FAM107A: variants seen among roughly 807,000 people sequenced by gnomAD.
The protein encoded by FAM107A is actin-associated protein FAM107A.
In FAM107A, 19 loss-of-function variants were observed where a neutral mutation model predicts 13.7. That is an observed-to-expected ratio of 1.38 (90% CI 0.97 to 2.03). The LOEUF (loss-of-function observed/expected upper bound fraction) is 2.03. Among genes scored for constraint, FAM107A ranks in the 30% most tolerant of loss-of-function variants. The probability of loss-of-function intolerance (pLI) is 0.00; values close to 1 mark genes in which losing one functional copy is unlikely to be tolerated. For synonymous variants in FAM107A, 82 were observed against 74.5 expected (o/e 1.10, Z -0.52); for missense variants, 203 against 184.4 (o/e 1.10, Z -0.58).
upstream of FAM107A, among the ~76,000 whole-genome samples, chr3:58,589,539 G>A (rs2065638826): frequency 6.6e-6 from 1 of 151,898 alleles, no homozygotes; most frequent in African/African-American, 2.4e-5. Context: ...TTAGATTTAG[G>A]GAAAAGTTAA....
intron 3 of FAM107A, chr3:58,566,976 T>C (rs2063628133): frequency 3.3e-6 from 2 of 612,254 alleles, no homozygotes; most frequent in Non-Finnish European, 5.8e-6. Flanking sequence ...GAAATCAGAA[T>C]CAGCATGCAG....
At position 58,567,379 on chromosome 3, in the gene FAM107A, G is replaced by T; in HGVS notation, c.171-15C>A. ...CACCAAGGCCCCTGGGGTGGGAAGT[G>T]GGGAGCTGTCAGGAGACCATCACCT... is the stretch of plus-strand genomic sequence containing the variant. On this transcript the variant is annotated splice_polypyrimidine_tract_variant and intron_variant, in intron 2 of 3. Coordinates refer to ENST00000360997, the MANE Select transcript of FAM107A (RefSeq NM_001076778.3). 6.2e-7 allele frequency: 1 copy of T among 1,604,850 alleles called. No individual in the cohort carries two copies. The highest frequency in any genetic ancestry group is 8.5e-7 in the Non-Finnish European group (1 of 1,176,194).
At chr3:58,596,339 G>C (rs1306038388) in intron 1 of FAM107A, among the ~76,000 whole-genome samples, 1 of 152,124 alleles carries the variant, frequency 6.6e-6, no homozygotes, top group East Asian at 1.9e-4. Context: ...CATGCACCGA[G>C]GAGCATTTAA....
rs910856092 is a variant in FAM107A at position 58,569,743 on chromosome 3, C to G, written c.118G>C (p.Ala40Pro). Residue 40 changes from alanine to proline, a missense_variant, in exon 2 of 4, where the codon GCC (alanine) becomes CCC (proline). Ala to Pro is a conservative substitution (Grantham distance 27, BLOSUM62 -1). Transcript: ENST00000360997. The surrounding 1 kb of genome is among the most constrained non-coding windows in gnomAD (Gnocchi z 5.7). The part of the protein sequence containing the change: ...KPKKLLNPVK[A>P]SRSHQELHRE... ...TGGAGCTCCTGGTGACTCCGAGAGGCCTTCACGGGGTTCAGCAGCTTCTTG... is the reference window on the plus strand; with the variant it reads ...TGGAGCTCCTGGTGACTCCGAGAGGGCTTCACGGGGTTCAGCAGCTTCTTG... 5.6e-6 allele frequency: 9 copies of G among 1,614,122 alleles called. No individual in the cohort carries two copies. The highest frequency in any genetic ancestry group is 1.7e-5 in the Admixed American group (1 of 60,026).
In FAM107A at chr3:58,566,446, T is replaced by C; in HGVS notation, c.*142A>G. 1 of 658,000 alleles carries C rather than the reference T, an allele frequency of 1.5e-6. No homozygotes were observed. Among genetic ancestry groups the C allele is most frequent in the Non-Finnish European group, 2.6e-6 (1 of 383,956 alleles). The allele number at this position is 658,000 out of a possible 1,614,324, so 40.8% of individuals were successfully genotyped here. A position where few individuals can be genotyped will look rare whatever the true frequency, so the allele number is the denominator to read the frequency against. On this transcript the variant is annotated 3_prime_UTR_variant, in exon 4 of 4. Coordinates refer to ENST00000360997, the MANE Select transcript of FAM107A (RefSeq NM_001076778.3). ...CAGCCTCCCAGGGAGAGCCAGGCCC[T>C]CTGGGGTGACACATTTCTACAGAAG...
At chr3:58,595,139 C>A (rs2065687044) in intron 1 of FAM107A, among the ~76,000 whole-genome samples, 1 of 152,114 alleles carries the variant, frequency 6.6e-6, no homozygotes, top group South Asian at 2.1e-4. Flanking sequence ...CACACCCCCC[C>A]AGTCCCACTC....
intron 1 of FAM107A, among the ~76,000 whole-genome samples, chr3:58,583,244 T>A (rs2108059045): frequency 6.6e-6 from 1 of 152,364 alleles, no homozygotes; most frequent in African/African-American, 2.4e-5. Flanking sequence ...CCGCCCGTGG[T>A]TAGTGGGATT....
At chr3:58,603,685 T>C (rs1371684055) in intron 1 of FAM107A, among the ~76,000 whole-genome samples, 1 of 152,012 alleles carries the variant, frequency 6.6e-6, no homozygotes, top group Non-Finnish European at 1.5e-5. Flanking sequence ...GGGAAGAGGG[T>C]AACCTGCAAG....
chr3:58,599,116 AT>A (rs939807257), intron 1 of FAM107A, among the ~76,000 whole-genome samples: 6 of 151,454 alleles, frequency 4.0e-5, no homozygotes, highest in African/African-American at 1.5e-4. Context: ...TAATTTTTGT[AT>A]TTTTAGTAGA....
chr3:58,622,958 C>T (rs958041632), intron 1 of FAM107A, among the ~76,000 whole-genome samples: 3 of 152,130 alleles, frequency 2.0e-5, no homozygotes, highest in Non-Finnish European at 4.4e-5. Context: ...CCGTCTGAGG[C>T]GGTGGGCAGA....
In FAM107A at chr3:58,573,897, C is replaced by T. The variant is rs2063708765; in HGVS notation, c.-6+3412G>A. Among the ~76,000 whole-genome samples, 4 of 152,204 alleles carry T rather than the reference C, an allele frequency of 2.6e-5. No individual in the cohort carries two copies. In the South Asian group the frequency reaches 8.3e-4, roughly 32 times the overall value. On this transcript the variant is annotated intron_variant, in intron 1 of 3. Transcript: ENST00000360997. ...CAGCAGAGTTGAGATGGGACAGCTG[C>T]TTTTGATCTGGTGTTTCCTCCTCTG...
chr3:58,587,959 C>G (rs1368592415), upstream of FAM107A, among the ~76,000 whole-genome samples: 1 of 152,210 alleles, frequency 6.6e-6, no homozygotes, highest in Non-Finnish European at 1.5e-5. Context: ...GATGCAACTT[C>G]TCTGAAGTCA....
chr3:58,623,888 A>T (rs939374786), intron 1 of FAM107A, among the ~76,000 whole-genome samples: 1 of 152,230 alleles, frequency 6.6e-6, no homozygotes. Context: ...TCCATTTAGC[A>T]GCCCCTTTAA....
upstream of FAM107A, chr3:58,589,318 G>A (rs1232607734): frequency 8.1e-7 from 1 of 1,239,246 alleles, no homozygotes; most frequent in African/African-American, 1.5e-5. Flanking sequence ...TGGTTCTTTG[G>A]CTGAGGGAGG....
At chr3:58,607,285 A>T (rs1416438710) in intron 1 of FAM107A, among the ~76,000 whole-genome samples, 1 of 152,320 alleles carries the variant, frequency 6.6e-6, no homozygotes, top group Admixed American at 6.5e-5. Flanking sequence ...GATGTTTGTA[A>T]CATGGAGCTA....
intron 1 of FAM107A, chr3:58,609,384 G>T (rs188292609): frequency 6.6e-6 from 1 of 152,174 alleles, no homozygotes; most frequent in East Asian, 1.9e-4. Context: ...ATACAAAAGT[G>T]ACCATGATAT....
intron 1 of FAM107A, among the ~76,000 whole-genome samples, chr3:58,573,938 A>T (rs755401755): frequency 1.1e-4 from 17 of 152,208 alleles, no homozygotes; most frequent in Non-Finnish European, 1.9e-4. Context: ...TGAGCGTTAC[A>T]TTAGAATCCT....
chr3:58,611,561 G>C (rs1257285938), intron 1 of FAM107A, among the ~76,000 whole-genome samples: 1 of 152,242 alleles, frequency 6.6e-6, no homozygotes, highest in Non-Finnish European at 1.5e-5. Flanking sequence ...GTTGAGAGCA[G>C]GTGGGGAAAT....
At chr3:58,627,106 C>T (rs565316515) in intron 1 of FAM107A, 2 of 1,056,934 alleles carry the variant, frequency 1.9e-6, no homozygotes, top group South Asian at 2.8e-5. Context: ...GCGAGGGCCC[C>T]CTGTCCTCTT....
Sources: allele counts gnomAD v4.1 joint callset (sites outside exome capture counted in the v4.1 genomes callset), GRCh38; gene constraint gnomAD v4.1.1; non-coding constraint Gnocchi (gnomAD v3.1); transcripts MANE v1.5; gene names NCBI Gene and HGNC (gene_info 2026-07-23, HGNC 2026-07-21).